ANXA2: variants seen among roughly 807,000 people sequenced by gnomAD.
ANXA2 encodes the protein annexin II.
Under a neutral mutation model 47.3 loss-of-function variants are expected in ANXA2, and 28 were observed. That is an observed-to-expected ratio of 0.59 (90% CI 0.44 to 0.81). ANXA2 has a LOEUF of 0.81. Among genes scored for constraint, ANXA2 ranks in the 40% least tolerant of loss-of-function variants. The pLI, the probability that ANXA2 is intolerant of heterozygous loss-of-function variation, is 0.00. For synonymous variants in ANXA2, 172 were observed against 155.5 expected, an observed-to-expected ratio of 1.11 and a Z score of -0.79; for missense variants, 384 against 414.3, an observed-to-expected ratio of 0.93 and a Z score of 0.64.
intron 1 of ANXA2, among the ~76,000 whole-genome samples, chr15:60,391,625 A>G (rs1334295585): frequency 6.6e-6 from 1 of 152,184 alleles, no homozygotes; most frequent in Non-Finnish European, 1.5e-5. Context: ...TTTGCTCTGG[A>G]GGCAGAATTT....
intron 5 of ANXA2, among the ~76,000 whole-genome samples, chr15:60,358,937 T>C (rs1026981696): frequency 1.3e-5 from 2 of 152,352 alleles, no homozygotes; most frequent in South Asian, 4.1e-4. Flanking sequence ...AGTGTTTTTA[T>C]GTCTACATTC....
chr15:60,382,504 A>C, intron 2 of ANXA2, 63 bp from the exon 3 acceptor site: 1 of 1,157,952 alleles, frequency 8.6e-7, no homozygotes, highest in Non-Finnish European at 1.3e-6. Flanking sequence ...TTGAAATAAC[A>C]ATGCCTAATA....
At chr15:60,396,115 T>A (rs1392153770) in intron 1 of ANXA2, 1 of 152,202 alleles carries the variant, frequency 6.6e-6, no homozygotes, top group East Asian at 1.9e-4. Context: ...TATTATGTAT[T>A]TATTTTTTGA....
chr15:60,387,379 G>A (rs536254093), intron 1 of ANXA2, among the ~76,000 whole-genome samples: 4 of 152,274 alleles, frequency 2.6e-5, no homozygotes, highest in South Asian at 2.1e-4. Flanking sequence ...TTGTCCCACC[G>A]TTGGGGTATA....
At chr15:60,368,315 A>AT (rs2062664429) in intron 3 of ANXA2, among the ~76,000 whole-genome samples, 7 of 117,426 alleles carry the variant, frequency 6.0e-5, no homozygotes, top group South Asian at 2.9e-4. Context: ...CAATAAAAAA[A>AT]AAAAATAAAA....
chr15:60,375,998 A>G (rs1209642446), intron 3 of ANXA2, among the ~76,000 whole-genome samples: 2 of 152,174 alleles, frequency 1.3e-5, no homozygotes, highest in African/African-American at 4.8e-5. Flanking sequence ...AGGCAGAGGC[A>G]TGCTCTGTAG....
chr15:60,388,595 C>T (rs1332572086), intron 1 of ANXA2, among the ~76,000 whole-genome samples: 1 of 147,324 alleles, frequency 6.8e-6, no homozygotes, highest in Admixed American at 6.8e-5. Flanking sequence ...CATTTTTTTT[C>T]CTTTTTTTTT....
rs771090624 is a variant in ANXA2, at chr15:60,354,155, C to A, written c.587G>T (p.Arg196Leu). The change falls in exon 8 of 13, where the codon CGG becomes CTG. Residue 196 changes from arginine (R) to leucine (L), a missense_variant and splice_region_variant. Physicochemically the swap from Arg to Leu is moderately radical, Grantham distance 102. Coordinates refer to ENST00000451270, the MANE Select transcript of ANXA2 (RefSeq NM_004039.3). Reference sequence around the variant, plus strand: ...CAAAGCAAAAAGCTCAGCACTTACCCGAGCATCTTGGTCAATCAGTTCATA... The same window carrying A: ...CAAAGCAAAAAGCTCAGCACTTACCAGAGCATCTTGGTCAATCAGTTCATA... ...IDYELIDQDARDLYDAGVKRK... is the reference protein window; with the variant it reads ...IDYELIDQDALDLYDAGVKRK... The A allele has an allele frequency of 1.2e-6, 2 of 1,613,590 alleles. No homozygotes were observed. Among genetic ancestry groups the A allele is most frequent in the East Asian group, 2.2e-5 (1 of 44,876 alleles).
chr15:60,355,211 A>G (rs1396934290), intron 7 of ANXA2, among the ~76,000 whole-genome samples: 2 of 152,240 alleles, frequency 1.3e-5, no homozygotes, highest in African/African-American at 2.4e-5. Context: ...ACAGAGGAGT[A>G]AAATGGTGAA....
chr15:60,370,085 A>C (rs2062692268), intron 3 of ANXA2, among the ~76,000 whole-genome samples: 1 of 152,214 alleles, frequency 6.6e-6, no homozygotes, highest in Admixed American at 6.5e-5. Flanking sequence ...CTTACCTAGG[A>C]GGCAGCAACA....
chr15:60,377,700 C>A (rs1006726021), intron 3 of ANXA2, among the ~76,000 whole-genome samples: 3 of 152,044 alleles, frequency 2.0e-5, no homozygotes, highest in African/African-American at 7.2e-5. Context: ...TTTGTAAAAA[C>A]CATAATATCT....
chr15:60,386,197 T>C (rs1022653106), intron 1 of ANXA2, 111 bp from the exon 2 acceptor site: 9 of 741,464 alleles, frequency 1.2e-5, no homozygotes, highest in Admixed American at 1.1e-4. Flanking sequence ...TCTGACGATA[T>C]TGGAGTAGTT....
chr15:60,368,316 A>AATAAAAT (rs2062664696), intron 3 of ANXA2, among the ~76,000 whole-genome samples: 4 of 113,980 alleles, frequency 3.5e-5, no homozygotes, highest in African/African-American at 1.3e-4. Flanking sequence ...AATAAAAAAA[A>AATAAAAT]AAAATAAAAT....
chr15:60,356,996 C>G (rs2062440457), intron 6 of ANXA2, 150 bp downstream of exon 6: 2 of 604,424 alleles, frequency 3.3e-6, no homozygotes, highest in African/African-American at 3.7e-5. Context: ...AAACTTGGAC[C>G]ACAGCCAACC....
intron 3 of ANXA2, among the ~76,000 whole-genome samples, chr15:60,368,669 T>G (rs1033509247): frequency 2.0e-5 from 3 of 152,202 alleles, no homozygotes; most frequent in Admixed American, 6.5e-5. Flanking sequence ...ATATCAAAAT[T>G]TTAATAGTGA....
chr15:60,393,756 T>A, intron 1 of ANXA2: 3 of 902,680 alleles, frequency 3.3e-6, no homozygotes, highest in Non-Finnish European at 4.0e-6. Flanking sequence ...TAGAGTTACA[T>A]GTGTAAAGTC....
chr15:60,386,060 C>T lies in ANXA2; in HGVS notation c.16G>A (p.Glu6Lys), dbSNP rs1595705498. MSTVH[E>K]ILCKLSLEGD... Reference sequence around the variant, plus strand: ...TCCAAGCTGAGCTTGCACAGGATTTCGTGAACAGTAGACATTTTGAAGGAA... The same window carrying T: ...TCCAAGCTGAGCTTGCACAGGATTTTGTGAACAGTAGACATTTTGAAGGAA... Residue 6 changes from glutamate (E) to lysine (K), a missense_variant, in exon 2 of 13, where the codon GAA becomes AAA. Physicochemically the swap from Glu to Lys is moderately conservative, Grantham distance 56 (BLOSUM62 1). Coordinates refer to ENST00000451270, the MANE Select transcript of ANXA2 (RefSeq NM_004039.3). 6.8e-6 allele frequency: 11 copies of T among 1,612,926 alleles called. No homozygotes were observed. The highest frequency in any genetic ancestry group is 8.5e-6 in the Non-Finnish European group (10 of 1,179,428).
rs1566931109 is a variant in ANXA2, at chr15:60,354,220, G to C, written c.529-7C>G. 6.2e-7 allele frequency: 1 copy of C among 1,604,168 alleles called. No individual in the cohort carries two copies. The highest frequency in any genetic ancestry group is 1.7e-5 in the Admixed American group (1 of 57,286). On this transcript the variant is annotated splice_region_variant and splice_polypyrimidine_tract_variant and intron_variant, in intron 7 of 12. Coordinates refer to ENST00000451270, the MANE Select transcript of ANXA2 (RefSeq NM_004039.3). ...CATCCTCTGCTCTTCTACCCTATGG[G>C]GGAAAGAAAAAGAACTTCAAATACA...
chr15:60,389,601 A>G (rs570019100), intron 1 of ANXA2, among the ~76,000 whole-genome samples: 2 of 152,220 alleles, frequency 1.3e-5, no homozygotes, highest in African/African-American at 2.4e-5. Context: ...TTCACCATTC[A>G]TAACTGTGCT....
Sources: allele counts gnomAD v4.1 joint callset (sites outside exome capture counted in the v4.1 genomes callset), GRCh38; gene constraint gnomAD v4.1.1; transcripts MANE v1.5; gene names NCBI Gene and HGNC (gene_info 2026-07-23, HGNC 2026-07-21).